RAB8B: variants seen among roughly 807,000 people sequenced by gnomAD.
RAB8B encodes the protein ras-related protein Rab-8B.
In RAB8B, 11 loss-of-function variants were observed where a neutral mutation model predicts 32.0. That is an observed-to-expected ratio of 0.34 (90% CI 0.22 to 0.57). The LOEUF is 0.57. Ranked by LOEUF, RAB8B falls within the 20% of genes least tolerant of loss-of-function variation. The probability of loss-of-function intolerance (pLI) is 0.86; values close to 1 mark genes in which losing one functional copy is unlikely to be tolerated. For missense variants in RAB8B, 190 were observed against 258.5 expected (o/e 0.73, Z 1.82); for synonymous variants, 103 against 89.6 (o/e 1.15, Z -0.85).
At chr15:63,232,382 A>T (rs1378696075) in intron 1 of RAB8B, among the ~76,000 whole-genome samples, 1 of 152,186 alleles carries the variant, frequency 6.6e-6, no homozygotes, top group African/African-American at 2.4e-5. Context: ...TCTATAATGC[A>T]TGTTTATGGC....
At chr15:63,204,842 C>T (rs1164097739) in intron 1 of RAB8B, among the ~76,000 whole-genome samples, 1 of 152,166 alleles carries the variant, frequency 6.6e-6, no homozygotes, top group African/African-American at 2.4e-5. Context: ...GTGTGATTTC[C>T]TCCATTTAAC....
At chr15:63,253,129 AT>A (rs1418327835) in intron 3 of RAB8B, among the ~76,000 whole-genome samples, 1 of 152,182 alleles carries the variant, frequency 6.6e-6, no homozygotes, top group African/African-American at 2.4e-5. Context: ...AAGCATTTGT[AT>A]TTGAGGCTGG....
intron 2 of RAB8B, among the ~76,000 whole-genome samples, chr15:63,245,862 A>G (rs1297918945): frequency 6.6e-6 from 1 of 152,176 alleles, no homozygotes; most frequent in Non-Finnish European, 1.5e-5. Flanking sequence ...ATATAACTTT[A>G]TACAATATTT....
intron 1 of RAB8B, among the ~76,000 whole-genome samples, chr15:63,224,691 C>G (rs1209212599): frequency 6.6e-6 from 1 of 152,130 alleles, no homozygotes; most frequent in Non-Finnish European, 1.5e-5. Flanking sequence ...GAACTAATTC[C>G]TAATATTCAG....
chr15:63,254,199 G>T lies in RAB8B; in HGVS notation c.247-1308G>T, dbSNP rs1402774019. Reference sequence around the variant, plus strand: ...CTTCCCCTCTTCACCGCAGCTCCTAGCCCTTTGCCTAGTTTAAGTCTACTA... The same window carrying T: ...CTTCCCCTCTTCACCGCAGCTCCTATCCCTTTGCCTAGTTTAAGTCTACTA... On this transcript the variant is annotated intron_variant, in intron 3 of 7. Transcript: ENST00000321437. Among the ~76,000 whole-genome samples the T allele has an allele frequency of 2.0e-5, 3 of 152,250 alleles. No individual in the cohort carries two copies. In the East Asian group the frequency reaches 5.8e-4, roughly 29 times the overall value.
intron 1 of RAB8B, among the ~76,000 whole-genome samples, chr15:63,191,673 G>A (rs754430490): frequency 2.6e-5 from 4 of 152,208 alleles, no homozygotes; most frequent in Non-Finnish European, 5.9e-5. Flanking sequence ...CTAACAAGTT[G>A]AGTGGGTGTC....
At chr15:63,201,909 A>T (rs2037654281) in intron 1 of RAB8B, among the ~76,000 whole-genome samples, 1 of 151,602 alleles carries the variant, frequency 6.6e-6, no homozygotes, top group Non-Finnish European at 1.5e-5. Context: ...TTTCCACAGG[A>T]CTCTGTGTGT....
Position 63,259,696 on chromosome 15 carries a change from AG to A in RAB8B, c.480+5del. ...ATCCAGTGCAAATGTAGAAGAGGTA[AG>A]AAGGAAACGTTTGGTGACTGTTACG... On this transcript the variant is annotated splice_donor_5th_base_variant and intron_variant, in intron 6 of 7. Transcript: ENST00000321437. This position sits in a 1 kb window ranked among gnomAD's most constrained non-coding sequence, Gnocchi z 4.4. 1 of 1,613,184 alleles carries A rather than the reference AG, an allele frequency of 6.2e-7. No individual in the cohort carries two copies. Among genetic ancestry groups the A allele is most frequent in the Non-Finnish European group, 8.5e-7 (1 of 1,179,142 alleles).
At position 63,266,806 on chromosome 15, in the gene RAB8B, C is replaced by T. The variant is rs1243190477; in HGVS notation, c.*3187C>T. The T allele has an allele frequency of 6.6e-6, 1 of 152,562 alleles. No homozygotes were observed. The highest frequency in any genetic ancestry group is 1.5e-5 in the Non-Finnish European group (1 of 68,000). The allele number at this position is 152,562 out of a possible 1,614,324, so 9.5% of individuals were successfully genotyped here. A position where few individuals can be genotyped will look rare whatever the true frequency, so the allele number is the denominator to read the frequency against. ...AGATTATAACTCCATTTTACAGGTT[C>T]TGAATGCTCAGAGTCTATATTAAGG... On this transcript the variant is annotated 3_prime_UTR_variant, in exon 8 of 8. Coordinates refer to ENST00000321437, the MANE Select transcript of RAB8B (RefSeq NM_016530.3).
chr15:63,189,618 C>T lies in RAB8B; in HGVS notation c.-7C>T, dbSNP rs755636917. 1.9e-6 allele frequency: 3 copies of T among 1,613,428 alleles called. No homozygotes were observed. The highest frequency in any genetic ancestry group is 8.5e-7 in the Non-Finnish European group (1 of 1,179,708). ...TGGCTCCCCGGTCAGAGGGCCGGAG[C>T]GAGAAGATGGCGAAGACGTACGATT... On this transcript the variant is annotated 5_prime_UTR_variant, in exon 1 of 8. Transcript: ENST00000321437.
chr15:63,255,432 A>G (rs1314612100), intron 3 of RAB8B, 75 bp from the exon 4 acceptor site: 4 of 957,666 alleles, frequency 4.2e-6, no homozygotes, highest in African/African-American at 1.7e-5. Context: ...TCTGGAGGGT[A>G]GGAGTACATT....
At chr15:63,238,920 T>C (rs552008635) in intron 1 of RAB8B, among the ~76,000 whole-genome samples, 1 of 152,300 alleles carries the variant, frequency 6.6e-6, no homozygotes, top group East Asian at 1.9e-4. Flanking sequence ...GGAAAACTTG[T>C]TGGAGGCTTT....
At chr15:63,260,054 C>T (rs993812775) in intron 6 of RAB8B, among the ~76,000 whole-genome samples, 2 of 152,088 alleles carry the variant, frequency 1.3e-5, no homozygotes, top group Non-Finnish European at 1.5e-5. Context: ...AGGAGGGTCT[C>T]GATCTCTTGA....
chr15:63,214,047 C>CT (rs2037769999), intron 1 of RAB8B, among the ~76,000 whole-genome samples: 1 of 151,794 alleles, frequency 6.6e-6, no homozygotes, highest in South Asian at 2.1e-4. Flanking sequence ...TGCCACTGCA[C>CT]TCCAGCCTGG....
At chr15:63,241,982 T>C (rs71393141) in intron 1 of RAB8B, among the ~76,000 whole-genome samples, 9,649 of 151,670 alleles carry the variant, frequency 0.064, 436 homozygotes, top group Middle Eastern at 0.14. Context: ...GGAGGTGCCT[T>C]AGAGGAGAAA....
In RAB8B at chr15:63,229,856, C is replaced by T. The variant is rs147066201; in HGVS notation, c.125-14900C>T. The stretch of plus-strand genomic sequence containing the variant: ...ATAGAGGACAGAATCTTTTGGCACC[C>T]TATAAAGTTAGTAGAGTGTCTTTAT... On this transcript the variant is annotated intron_variant, in intron 1 of 7. Transcript: ENST00000321437. Among the ~76,000 whole-genome samples the T allele has an allele frequency of 4.0e-5, 6 of 150,702 alleles. No individual in the cohort carries two copies. In the East Asian group the frequency reaches 1.2e-3, roughly 29 times the overall value.
In RAB8B at chr15:63,259,386, G is replaced by A. The variant is rs140674770; in HGVS notation, c.415-241G>A. 4.4e-4 allele frequency among the ~76,000 whole-genome samples: 67 copies of A among 152,146 alleles called. No individual in the cohort carries two copies. Among genetic ancestry groups the A allele is most frequent in the African/African-American group, 1.3e-3 (55 of 41,528 alleles). On this transcript the variant is annotated intron_variant, in intron 5 of 7. Coordinates refer to ENST00000321437, the MANE Select transcript of RAB8B (RefSeq NM_016530.3). The surrounding 1 kb of genome is among the most constrained non-coding windows in gnomAD (Gnocchi z 4.4). ...CGTCTGCCTCGGCCTCCCAAAGTGC[G>A]TGAGCCACCATGCCCGGCCTTAAAT...
In RAB8B at chr15:63,202,680, G is replaced by C. The variant is rs1484525317; in HGVS notation, c.124+12932G>C. On this transcript the variant is annotated intron_variant, in intron 1 of 7. Coordinates refer to ENST00000321437, the MANE Select transcript of RAB8B (RefSeq NM_016530.3). ...CTAGGAACAGCTACCTTAATTGTGA[G>C]CTTCCTTCCTTTGGCAATTTAAGTT... is the stretch of plus-strand genomic sequence containing the variant. Among the ~76,000 whole-genome samples, 3 of 152,212 alleles carry C rather than the reference G, an allele frequency of 2.0e-5. No homozygotes were observed. The East Asian group carries it at 5.8e-4, about 29-fold the overall frequency.
intron 5 of RAB8B, 43 bp downstream of exon 5, chr15:63,256,637 T>G (rs778855197): frequency 7.4e-7 from 1 of 1,358,262 alleles, no homozygotes; most frequent in Non-Finnish European, 1.0e-6. Context: ...TCTACTCACA[T>G]TAAGCATTTC....
Sources: allele counts gnomAD v4.1 joint callset (sites outside exome capture counted in the v4.1 genomes callset), GRCh38; gene constraint gnomAD v4.1.1; non-coding constraint Gnocchi (gnomAD v3.1); transcripts MANE v1.5; gene names NCBI Gene and HGNC (gene_info 2026-07-23, HGNC 2026-07-21).